KIAA1671: variants seen among roughly 807,000 people sequenced by gnomAD.
The protein encoded by KIAA1671 is KIAA1671, also known as uncharacterized protein KIAA1671.
KIAA1671 carries 52 observed loss-of-function variants against 131.2 expected under a neutral mutation model. The ratio of observed to expected loss-of-function variants is 0.40; its 90% CI spans 0.32 to 0.50. The LOEUF (loss-of-function observed/expected upper bound fraction) is 0.50. KIAA1671 is among the 20% of genes least tolerant of loss of function. The pLI, the probability that KIAA1671 is intolerant of heterozygous loss-of-function variation, is 0.73. For synonymous variants in KIAA1671, 1,003 were observed against 961.6 expected (o/e 1.04, Z -0.80); for missense variants, 2,360 against 2,364.2 (o/e 1.00, Z 0.04).
intron 6 of KIAA1671, among the ~76,000 whole-genome samples, chr22:25,145,961 C>A (rs1004621095): frequency 1.6e-3 from 225 of 143,346 alleles, no homozygotes; most frequent in African/African-American, 5.1e-3. Flanking sequence ...AAAAAAAAAA[C>A]AACAACAAGC....
At chr22:25,094,267 GCCCTCCAGAGCT>G (rs1214729356) in intron 6 of KIAA1671, among the ~76,000 whole-genome samples, 2 of 152,124 alleles carry the variant, frequency 1.3e-5, no homozygotes, top group African/African-American at 4.8e-5. Context: ...AGAGCTTGGA[GCCCTCCAGAGCT>G]CCCTCCAGAG....
intron 6 of KIAA1671, among the ~76,000 whole-genome samples, chr22:25,072,326 C>T (rs190003721): frequency 1.3e-5 from 2 of 152,282 alleles, no homozygotes; most frequent in Admixed American, 1.3e-4. Context: ...CTCTCTGGGC[C>T]TTGGTTTCCC....
intron 1 of KIAA1671, among the ~76,000 whole-genome samples, chr22:24,959,343 T>TA (rs956436457): frequency 7.3e-5 from 11 of 150,128 alleles, no homozygotes; most frequent in Admixed American, 2.0e-4. Flanking sequence ...CCATCTCTAC[T>TA]AAAAAAAAAT....
chr22:25,029,447 T>C lies in KIAA1671; in HGVS notation c.1448T>C (p.Ile483Thr). The change falls in exon 3 of 13, where the codon ATC becomes ACC. Residue 483 changes from isoleucine (I) to threonine (T), a missense_variant. Ile to Thr is a moderately conservative substitution (Grantham distance 89). Around this residue, in one of 3 missense-constraint regions of KIAA1671, gnomAD observed 1,185 missense variants for 1,126.2 expected, o/e 1.05. Coordinates refer to ENST00000358431, the MANE Select transcript of KIAA1671 (RefSeq NM_001145206.2). ...EKGVVSVQER[I>T]RGWTAESSEA... Reference sequence around the variant, plus strand: ...GGGGTTGTGAGCGTTCAGGAACGGATCAGAGGCTGGACTGCCGAGAGCTCA... The same window carrying C: ...GGGGTTGTGAGCGTTCAGGAACGGACCAGAGGCTGGACTGCCGAGAGCTCA... 1.3e-6 allele frequency: 2 copies of C among 1,551,214 alleles called. No homozygotes were observed. The highest frequency in any genetic ancestry group is 4.9e-5 in the East Asian group (2 of 40,896).
rs1403707819 is a variant in KIAA1671, at chr22:25,027,954, C to T, written c.-46C>T. 7.3e-7 allele frequency: 1 copy of T among 1,361,778 alleles called. No homozygotes were observed. Among genetic ancestry groups the T allele is most frequent in the South Asian group, 1.5e-5 (1 of 65,326 alleles). The allele number at this position is 1,361,778 out of a possible 1,614,324, so 84.4% of individuals were successfully genotyped here. A position where few individuals can be genotyped will look rare whatever the true frequency, so the allele number is the denominator to read the frequency against. ...TGTTTTGTTTGTTTAGCAATTGCTT[C>T]TCCATTCTTGAAGTTCCTAACCCCC... is the stretch of plus-strand genomic sequence containing the variant. On this transcript the variant is annotated 5_prime_UTR_variant, in exon 3 of 13. Coordinates refer to ENST00000358431, the MANE Select transcript of KIAA1671 (RefSeq NM_001145206.2).
intron 6 of KIAA1671, among the ~76,000 whole-genome samples, chr22:25,068,147 T>C (rs992369833): frequency 4.9e-5 from 7 of 142,650 alleles, no homozygotes; most frequent in African/African-American, 1.4e-4. Context: ...GTCTGGCAGT[T>C]AGGGAGCAGG....
chr22:25,113,775 A>G lies in KIAA1671; in HGVS notation c.4531-57045A>G, dbSNP rs144089217. On this transcript the variant is annotated intron_variant, in intron 6 of 12. Coordinates refer to ENST00000358431, the MANE Select transcript of KIAA1671 (RefSeq NM_001145206.2). ...GAACAAATTAGTGGGGCTTGGATTT[A>G]TGAGACAGATTCCCCAACCTCTGGA... Among the ~76,000 whole-genome samples, 56 of 152,342 alleles carry G rather than the reference A, an allele frequency of 3.7e-4. No homozygotes were observed. The South Asian group carries it at 8.3e-3, about 23-fold the overall frequency.
At chr22:25,082,980 A>G (rs758664527) in intron 6 of KIAA1671, among the ~76,000 whole-genome samples, 11 of 152,204 alleles carry the variant, frequency 7.2e-5, no homozygotes, top group Non-Finnish European at 1.3e-4. Flanking sequence ...TGTTGACCTA[A>G]TATTTTGTTG....
intron 9 of KIAA1671, among the ~76,000 whole-genome samples, chr22:25,177,920 C>T (rs1434040079): frequency 1.3e-5 from 2 of 152,000 alleles, no homozygotes; most frequent in African/African-American, 2.4e-5. Context: ...GCAGTGGGTC[C>T]GTGCTGACCC....
At chr22:25,006,791 T>C (rs749481176) in intron 1 of KIAA1671, among the ~76,000 whole-genome samples, 1 of 152,180 alleles carries the variant, frequency 6.6e-6, no homozygotes, top group Non-Finnish European at 1.5e-5. Flanking sequence ...TCTGTTTCTG[T>C]CCTCACGTTC....
At chr22:25,150,878 G>A (rs939873383) in intron 6 of KIAA1671, among the ~76,000 whole-genome samples, 3 of 141,220 alleles carry the variant, frequency 2.1e-5, no homozygotes, top group Non-Finnish European at 4.5e-5. Context: ...CATCGCCCAG[G>A]CTGGAGTGCC....
intron 1 of KIAA1671, among the ~76,000 whole-genome samples, 176 bp from the exon 2 acceptor site, chr22:25,025,457 C>G (rs964702215): frequency 6.6e-6 from 1 of 152,120 alleles, no homozygotes; most frequent in African/African-American, 2.4e-5. Flanking sequence ...GTGGGCTCAG[C>G]ACTATTTATG....
At chr22:25,080,766 C>A (rs1304535707) in intron 6 of KIAA1671, among the ~76,000 whole-genome samples, 1 of 152,150 alleles carries the variant, frequency 6.6e-6, no homozygotes, top group Non-Finnish European at 1.5e-5. Flanking sequence ...GGACCACTGC[C>A]CTGCCTGTTA....
At chr22:25,190,169 T>C (rs1009669207) in intron 11 of KIAA1671, among the ~76,000 whole-genome samples, 4 of 152,116 alleles carry the variant, frequency 2.6e-5, no homozygotes, top group Admixed American at 2.0e-4. Context: ...AACCCTGAGC[T>C]TGTTTTTCTG....
intron 1 of KIAA1671, among the ~76,000 whole-genome samples, chr22:24,971,609 G>T (rs892260580): frequency 3.3e-5 from 5 of 152,186 alleles, no homozygotes; most frequent in Non-Finnish European, 7.3e-5. Flanking sequence ...GGGTCCCCCA[G>T]TGTGAATGTT....
rs1465059159 is a variant in KIAA1671 at position 25,029,527 on chromosome 22, G to T, written c.1528G>T (p.Asp510Tyr). The T allele has an allele frequency of 2.6e-6, 4 of 1,541,008 alleles. No homozygotes were observed. Among genetic ancestry groups the T allele is most frequent in the Non-Finnish European group, 3.5e-6 (4 of 1,141,570 alleles). ...RTFQARPLSA[D>Y]LTKLFSSSAS... Reference sequence around the variant, plus strand: ...GTTCCAGGCTCGGCCGCTGTCGGCGGATTTGACCAAATTGTAAGTAGGCAC... The same window carrying T: ...GTTCCAGGCTCGGCCGCTGTCGGCGTATTTGACCAAATTGTAAGTAGGCAC... The change falls in exon 3 of 13, where the codon GAT (aspartate) becomes TAT (tyrosine). Residue 510 changes from aspartate (D) to tyrosine (Y), a missense_variant. Physicochemically the swap from Asp to Tyr is radical, Grantham distance 160 (BLOSUM62 -3). Coordinates refer to ENST00000358431, the MANE Select transcript of KIAA1671 (RefSeq NM_001145206.2).
intron 4 of KIAA1671, among the ~76,000 whole-genome samples, chr22:25,037,432 A>ACACACATGTGTGTG (rs1926677194): frequency 1.3e-5 from 2 of 152,200 alleles, no homozygotes; most frequent in East Asian, 3.9e-4. Context: ...GTGTGTGTAT[A>ACACACATGTGTGTG]TATTTCAACA....
In KIAA1671 at chr22:25,049,338, A is replaced by G. The variant is rs1284921293; in HGVS notation, c.4504A>G (p.Lys1502Glu). ...SVPWRSHSFC[K>E]DRRSGPFVDQ... is the part of the protein sequence containing the mutation. ...TCCCTGGAGAAGCCACAGCTTCTGCAAAGACAGGAGGAGTGGGCCCTTTGT... is the reference window on the plus strand; with the variant it reads ...TCCCTGGAGAAGCCACAGCTTCTGCGAAGACAGGAGGAGTGGGCCCTTTGT... The change falls in exon 6 of 13, where the codon AAA becomes GAA. Residue 1502 changes from lysine (K) to glutamate (E), a missense_variant. By Grantham distance (56) the Lys-to-Glu change is moderately conservative. This residue lies in a region of KIAA1671 where 1,161 missense variants were observed against 1,204.7 expected (regional missense o/e 0.96). Coordinates refer to ENST00000358431, the MANE Select transcript of KIAA1671 (RefSeq NM_001145206.2). 1.3e-6 allele frequency: 2 copies of G among 1,551,414 alleles called. No homozygotes were observed. Among genetic ancestry groups the G allele is most frequent in the Non-Finnish European group, 1.7e-6 (2 of 1,146,786 alleles).
At chr22:25,148,344 C>T (rs1194809093) in intron 6 of KIAA1671, among the ~76,000 whole-genome samples, 1 of 151,726 alleles carries the variant, frequency 6.6e-6, no homozygotes, top group Non-Finnish European at 1.5e-5. Flanking sequence ...TCCCAGCGCT[C>T]CCTCAGTCTT....
Sources: allele counts gnomAD v4.1 joint callset (sites outside exome capture counted in the v4.1 genomes callset), GRCh38; gene constraint gnomAD v4.1.1; regional missense constraint gnomAD v4.1.1; transcripts MANE v1.5; gene names NCBI Gene and HGNC (gene_info 2026-07-23, HGNC 2026-07-21).